CXCR4: variants seen among roughly 807,000 people sequenced by gnomAD.
CXCR4 encodes the protein C-X-C motif chemokine receptor 4.
CXCR4 carries 6 observed loss-of-function variants against 22.4 expected under a neutral mutation model. That is an observed-to-expected ratio of 0.27 (90% confidence interval 0.15 to 0.53). The LOEUF (loss-of-function observed/expected upper bound fraction) is 0.53, where lower values mean the gene tolerates loss of function less well. CXCR4 is among the 20% of genes least tolerant of loss of function. The probability of loss-of-function intolerance (pLI) is 0.96; values close to 1 mark genes in which losing one functional copy is unlikely to be tolerated. For synonymous variants in CXCR4, 155 were observed against 171.7 expected (o/e 0.90, Z 0.76); for missense variants, 300 against 430.4 (o/e 0.70, Z 2.68).
Position 136,115,273 on chromosome 2 carries a change from A to G in CXCR4, c.655T>C (p.Tyr219His). ...GACAGCTTGGAGATGATAATGCAAT[A>G]GCAGGACAGGATGACAATACCAGGC... ...ILPGIVILSCYCIIISKLSHS... is the reference protein window; with the variant it reads ...ILPGIVILSCHCIIISKLSHS... The change falls in exon 2 of 2, where the codon TAT becomes CAT. Residue 219 changes from tyrosine to histidine, a missense_variant. By Grantham distance (83) the Tyr-to-His change is moderately conservative (BLOSUM62 2). Around this residue, in one of 3 missense-constraint regions of CXCR4, gnomAD observed 137 missense variants for 153.2 expected, o/e 0.89. Transcript: ENST00000241393. The surrounding 1 kb of genome is among the most constrained non-coding windows in gnomAD (Gnocchi z 6.4). 1 of 1,614,132 alleles carries G rather than the reference A, an allele frequency of 6.2e-7. No individual in the cohort carries two copies. The highest frequency in any genetic ancestry group is 8.5e-7 in the Non-Finnish European group (1 of 1,180,020).
rs1488294654 is a variant in CXCR4, at chr2:136,115,177, A to T, written c.751T>A (p.Cys251Ser). 6.2e-7 allele frequency: 1 copy of T among 1,614,094 alleles called. No homozygotes were observed. The highest frequency in any genetic ancestry group is 1.3e-5 in the African/African-American group (1 of 74,930). Residue 251 changes from cysteine to serine, a missense_variant, in exon 2 of 2, where the codon TGT becomes AGT. Cys to Ser is a moderately radical substitution (Grantham distance 112). This residue lies in a region of CXCR4 where 137 missense variants were observed against 153.2 expected (regional missense o/e 0.89). Coordinates refer to ENST00000241393, the MANE Select transcript of CXCR4 (RefSeq NM_003467.3). This position sits in a 1 kb window ranked among gnomAD's most constrained non-coding sequence, Gnocchi z 6.4. ...ATCCCAATGTAGTAAGGCAGCCAAC[A>T]GGCGAAGAAAGCCAGGATGAGGATG... ...TVILILAFFA[C>S]WLPYYIGISI...
Position 136,115,730 on chromosome 2 carries a change from C to T in CXCR4, c.198G>A (p.Gln66=), listed in dbSNP as rs770275656. ...TGTCCGTCATGCTTCTCAGTTTCTT[C>T]TGGTAACCCATGACCAGGATGACCA... ...NGLVILVMGY[Q]KKLRSMTDKY... is the part of the protein sequence containing the mutation. Residue 66 remains glutamine (Q), a synonymous_variant, in exon 2 of 2, where the codon CAG becomes CAA. Transcript: ENST00000241393. The surrounding 1 kb of genome is among the most constrained non-coding windows in gnomAD (Gnocchi z 6.4). 2 of 1,614,246 alleles carry T rather than the reference C, an allele frequency of 1.2e-6. No homozygotes were observed. Among genetic ancestry groups the T allele is most frequent in the Non-Finnish European group, 1.7e-6 (2 of 1,180,048 alleles).
chr2:136,115,632 A>T lies in CXCR4; in HGVS notation c.296T>A (p.Val99Glu), dbSNP rs200028262. The change falls in exon 2 of 2, where the codon GTG becomes GAG. Residue 99 changes from valine to glutamate, a missense_variant. Around this residue, in one of 3 missense-constraint regions of CXCR4, gnomAD observed 118 missense variants for 188.2 expected, o/e 0.63. Coordinates refer to ENST00000241393, the MANE Select transcript of CXCR4 (RefSeq NM_003467.3). The surrounding 1 kb of genome is among the most constrained non-coding windows in gnomAD (Gnocchi z 6.4). ...ITLPFWAVDA[V>E]ANWYFGNFLC... ...GAAGTTCCCAAAGTACCAGTTTGCC[A>T]CGGCATCAACTGCCCAGAAGGGAAG... The T allele has an allele frequency of 5.9e-5, 96 of 1,614,214 alleles. No individual in the cohort carries two copies. The highest frequency in any genetic ancestry group is 6.7e-5 in the Admixed American group (4 of 60,022).
In CXCR4 at chr2:136,115,572, T is replaced by C; in HGVS notation, c.356A>G (p.Asn119Ser). 6.2e-7 allele frequency: 1 copy of C among 1,614,056 alleles called. No homozygotes were observed. Among genetic ancestry groups the C allele is most frequent in the Non-Finnish European group, 8.5e-7 (1 of 1,179,994 alleles). ...CAGGATGAGGACACTGCTGTAGAGG[T>C]TGACTGTGTAGATGACATGGACTGC... Reference protein sequence around the residue: ...CKAVHVIYTVNLYSSVLILAF... With the variant: ...CKAVHVIYTVSLYSSVLILAF... The change falls in exon 2 of 2, where the codon AAC (asparagine) becomes AGC (serine). Residue 119 changes from asparagine (N) to serine (S), a missense_variant. Physicochemically the swap from Asn to Ser is conservative, Grantham distance 46. Transcript: ENST00000241393. The surrounding 1 kb of genome is among the most constrained non-coding windows in gnomAD (Gnocchi z 6.4).
At chr2:136,116,055 A>G in intron 1 of CXCR4, 143 bp from the exon 2 acceptor site, 5 of 1,551,206 alleles carry the variant, frequency 3.2e-6, no homozygotes, top group South Asian at 1.2e-5. Context: ...TAAGGGCACA[A>G]GAGAATTAAT....
rs749938835 is a variant in CXCR4, at chr2:136,115,818, T to C, written c.110A>G (p.Asn37Ser). ...PCFREENANF[N>S]KIFLPTIYSI... ...GTAGATGGTGGGCAGGAAGATTTTA[T>C]TGAAATTAGCATTTTCTTCACGGAA... Residue 37 changes from asparagine (N) to serine (S), a missense_variant, in exon 2 of 2, where the codon AAT (asparagine) becomes AGT (serine). Coordinates refer to ENST00000241393, the MANE Select transcript of CXCR4 (RefSeq NM_003467.3). This position sits in a 1 kb window ranked among gnomAD's most constrained non-coding sequence, Gnocchi z 6.4. 20 of 1,614,210 alleles carry C rather than the reference T, an allele frequency of 1.2e-5. No homozygotes were observed. The highest frequency in any genetic ancestry group is 1.4e-5 in the Non-Finnish European group (17 of 1,180,038).
At chr2:136,116,235 G>A (rs1573615222) in intron 1 of CXCR4, 59 of 1,189,470 alleles carry the variant, frequency 5.0e-5, no homozygotes, top group Middle Eastern at 3.7e-4. Context: ...CTAGAGGGAA[G>A]AAAAAAAACC....
chr2:136,118,110 T>G lies in CXCR4; in HGVS notation c.-50A>C. 1.1e-5 allele frequency: 18 copies of G among 1,604,176 alleles called. No homozygotes were observed. Among genetic ancestry groups the G allele is most frequent in the Admixed American group, 1.7e-5 (1 of 59,644 alleles). The stretch of plus-strand genomic sequence containing the variant: ...GGTGGCTACTGGAGCACTCAGGCCC[T>G]CGGCGTCACTTTGCTACCTGCTGCC... On this transcript the variant is annotated 5_prime_UTR_variant, in exon 1 of 2. Coordinates refer to ENST00000241393, the MANE Select transcript of CXCR4 (RefSeq NM_003467.3).
intron 1 of CXCR4, chr2:136,117,781 GGA>G (rs1684956780): frequency 2.1e-6 from 1 of 473,758 alleles, no homozygotes; most frequent in Admixed American, 4.0e-5. Flanking sequence ...GCGCGCGGCG[GGA>G]CTCAAGGGGG....
intron 1 of CXCR4, chr2:136,117,498 G>T (rs1684937075): frequency 6.5e-6 from 1 of 153,534 alleles, no homozygotes; most frequent in Non-Finnish European, 1.5e-5. Flanking sequence ...GCACAGCTCC[G>T]TCGGCCGCAC....
At position 136,114,822 on chromosome 2, in the gene CXCR4, TAAAA is replaced by T; in HGVS notation, c.*43_*46del. 6.6e-7 allele frequency: 1 copy of T among 1,514,028 alleles called. No homozygotes were observed. The highest frequency in any genetic ancestry group is 9.0e-7 in the Non-Finnish European group (1 of 1,112,034). 93.8% of individuals were successfully genotyped at this position (1,514,028 alleles called of 1,614,324 possible). A position where few individuals can be genotyped will look rare whatever the true frequency, so the allele number is the denominator to read the frequency against. ...TTTTATATCTGAAAAATGTGTAACT[TAAAA>T]AAAAGTTATTTATCGTATAAAAAAA... On this transcript the variant is annotated 3_prime_UTR_variant, in exon 2 of 2. Coordinates refer to ENST00000241393, the MANE Select transcript of CXCR4 (RefSeq NM_003467.3).
intron 1 of CXCR4, among the ~76,000 whole-genome samples, chr2:136,117,325 G>A (rs1573616401): frequency 6.8e-6 from 1 of 146,836 alleles, no homozygotes; most frequent in East Asian, 2.1e-4. Flanking sequence ...TCGCGGCCGT[G>A]GGGAAGAGGC....
intron 1 of CXCR4, 188 bp downstream of exon 1, chr2:136,117,858 T>G: frequency 2.8e-6 from 1 of 357,628 alleles, no homozygotes; most frequent in Non-Finnish European, 5.3e-6. Context: ...AGAAAAAGAT[T>G]CCAATCCTGC....
Position 136,116,611 on chromosome 2 carries a change from C to T in CXCR4, c.16-699G>A, listed in dbSNP as rs553062694. 6.1e-4 allele frequency among the ~76,000 whole-genome samples: 93 copies of T among 152,284 alleles called. No homozygotes were observed. The highest frequency in any genetic ancestry group is 2.2e-3 in the African/African-American group (90 of 41,564). The stretch of plus-strand genomic sequence containing the variant: ...GCACCTCCTCCCCCAAGCGGGCGCT[C>T]CTCCGGTGTGTGGGTCTCTTGCCAT... On this transcript the variant is annotated intron_variant, in intron 1 of 1. Transcript: ENST00000241393.
At chr2:136,116,113 T>C in intron 1 of CXCR4, 2 of 1,477,158 alleles carry the variant, frequency 1.4e-6, no homozygotes, top group African/African-American at 1.4e-5. Context: ...AGTGACTTCA[T>C]TATATCCTTC....
intron 1 of CXCR4, among the ~76,000 whole-genome samples, chr2:136,116,539 C>T (rs1573615512): frequency 6.6e-6 from 1 of 152,108 alleles, no homozygotes; most frequent in African/African-American, 2.4e-5. Flanking sequence ...GAAGGCCCTT[C>T]GGTGCTTGGG....
chr2:136,118,089 G>A lies in CXCR4; in HGVS notation c.-29C>T, dbSNP rs754447450. 1.2e-6 allele frequency: 2 copies of A among 1,612,934 alleles called. No individual in the cohort carries two copies. The highest frequency in any genetic ancestry group is 1.7e-6 in the Non-Finnish European group (2 of 1,179,202). On this transcript the variant is annotated 5_prime_UTR_variant, in exon 1 of 2. Transcript: ENST00000241393. ...AACCGCTGGTTCTCCAGATGCGGTG[G>A]CTACTGGAGCACTCAGGCCCTCGGC...
chr2:136,115,450 C>T lies in CXCR4; in HGVS notation c.478G>A (p.Val160Ile), dbSNP rs147198552. Residue 160 changes from valine to isoleucine, a missense_variant, in exon 2 of 2, where the codon GTC becomes ATC. Physicochemically the swap from Val to Ile is conservative, Grantham distance 29. This residue lies in a region of CXCR4 where 137 missense variants were observed against 153.2 expected (regional missense o/e 0.89). Transcript: ENST00000241393. This position sits in a 1 kb window ranked among gnomAD's most constrained non-coding sequence, Gnocchi z 6.4. ...LLAEKVVYVG[V>I]WIPALLLTIP... Reference sequence around the variant, plus strand: ...GTCAGCAGGAGGGCAGGGATCCAGACGCCAACATAGACCACCTTTTCAGCC... The same window carrying T: ...GTCAGCAGGAGGGCAGGGATCCAGATGCCAACATAGACCACCTTTTCAGCC... 6 of 1,614,076 alleles carry T rather than the reference C, an allele frequency of 3.7e-6. No homozygotes were observed. The highest frequency in any genetic ancestry group is 2.2e-5 in the East Asian group (1 of 44,904).
Sources: allele counts gnomAD v4.1 joint callset (sites outside exome capture counted in the v4.1 genomes callset), GRCh38; gene constraint gnomAD v4.1.1; regional missense constraint gnomAD v4.1.1; non-coding constraint Gnocchi (gnomAD v3.1); transcripts MANE v1.5; gene names NCBI Gene and HGNC (gene_info 2026-07-23, HGNC 2026-07-21).